ADGRV1: variants seen among roughly 807,000 people sequenced by gnomAD.
ADGRV1 encodes G-protein coupled receptor 98.
ADGRV1 carries 359 observed loss-of-function variants against 596.2 expected under a neutral mutation model. That is an observed-to-expected ratio of 0.60 (90% confidence interval 0.55 to 0.66). The LOEUF (loss-of-function observed/expected upper bound fraction) is 0.66. ADGRV1 is among the 30% of genes least tolerant of loss of function. The pLI, the probability that ADGRV1 is intolerant of heterozygous loss-of-function variation, is 0.00. For missense variants in ADGRV1, 7,274 were observed against 7,575.6 expected, an observed-to-expected ratio of 0.96 and a Z score of 1.48; for synonymous variants, 2,681 against 2,679.2, an observed-to-expected ratio of 1.00 and a Z score of -0.02.
chr5:90,927,855 T>C (rs1251883669), intron 83 of ADGRV1, among the ~76,000 whole-genome samples: 1 of 152,156 alleles, frequency 6.6e-6, no homozygotes, highest in Non-Finnish European at 1.5e-5. Context: ...AGCATTTGCT[T>C]TTCTGTAAAG....
intron 42 of ADGRV1, among the ~76,000 whole-genome samples, chr5:90,713,798 G>T (rs1049659132): frequency 7.2e-5 from 11 of 152,078 alleles, no homozygotes; most frequent in African/African-American, 2.7e-4. Context: ...AATTACATAG[G>T]TGACATGCCC....
intron 48 of ADGRV1, among the ~76,000 whole-genome samples, chr5:90,726,314 C>T (rs1751771597): frequency 6.6e-6 from 1 of 152,140 alleles, no homozygotes; most frequent in Non-Finnish European, 1.5e-5. Context: ...CCATCTCTGA[C>T]ATCTCTCTCT....
chr5:90,642,657 G>A lies in ADGRV1; in HGVS notation c.2262G>A (p.Val754=). 1 of 1,613,388 alleles carries A rather than the reference G, an allele frequency of 6.2e-7. No individual in the cohort carries two copies. The stretch of plus-strand genomic sequence containing the variant: ...CTAGGGTTAACGTGGAAAACCAAGT[G>A]CTGAAATCTGGATATACTAGCCGTG... ...SLDRVNVENQ[V]LKSGYTSRDL... Residue 754 remains valine, a synonymous_variant, in exon 12 of 90, where the codon GTG becomes GTA. Coordinates refer to ENST00000405460, the MANE Select transcript of ADGRV1 (RefSeq NM_032119.4).
chr5:90,812,897 C>A (rs1033787508), intron 74 of ADGRV1, among the ~76,000 whole-genome samples: 1 of 151,458 alleles, frequency 6.6e-6, no homozygotes, highest in Admixed American at 6.6e-5. Flanking sequence ...TTTGGGAGGC[C>A]GAGTCGGGCG....
chr5:90,754,449 G>A (rs1755609873), intron 54 of ADGRV1, among the ~76,000 whole-genome samples: 1 of 152,080 alleles, frequency 6.6e-6, no homozygotes, highest in Non-Finnish European at 1.5e-5. Context: ...TTATGTTCCT[G>A]GGTCTTTAAT....
chr5:90,586,523 G>A (rs753272285), intron 1 of ADGRV1, among the ~76,000 whole-genome samples: 2 of 152,172 alleles, frequency 1.3e-5, no homozygotes, highest in East Asian at 1.9e-4. Flanking sequence ...GAATGTCCAT[G>A]TTCTGAATTT....
chr5:90,976,348 A>ATATATATATATATG (rs1325293370), intron 84 of ADGRV1, among the ~76,000 whole-genome samples: 11 of 141,472 alleles, frequency 7.8e-5, no homozygotes, highest in African/African-American at 2.8e-4. Context: ...ATATATATAT[A>ATATATATATATATG]TGTATATGTA....
At chr5:91,030,863 T>A in intron 85 of ADGRV1, 1 of 439,296 alleles carries the variant, frequency 2.3e-6, no homozygotes, top group Non-Finnish European at 4.1e-6. Context: ...TAATTACATG[T>A]TTTTGAAAAG....
chr5:90,595,519 A>G lies in ADGRV1; in HGVS notation c.23-19316A>G, dbSNP rs1368022397. Among the ~76,000 whole-genome samples, 3 of 112,890 alleles carry G rather than the reference A, an allele frequency of 2.7e-5. No individual in the cohort carries two copies. The South Asian group carries it at 9.5e-4, about 36-fold the overall frequency. 74.1% of individuals were successfully genotyped at this position (112,890 alleles called of 152,430 possible). On this transcript the variant is annotated intron_variant, in intron 1 of 89. Transcript: ENST00000405460. ...CTTCCCAGTAGGGGCGGCCGGGCAGAGGCGCCCCTCACCTCCTGGACGGGG... is the reference window on the plus strand; with the variant it reads ...CTTCCCAGTAGGGGCGGCCGGGCAGGGGCGCCCCTCACCTCCTGGACGGGG...
intron 87 of ADGRV1, among the ~76,000 whole-genome samples, chr5:91,135,303 G>A (rs924449538): frequency 6.6e-6 from 1 of 152,068 alleles, no homozygotes; most frequent in African/African-American, 2.4e-5. Flanking sequence ...ATTCCCGGGG[G>A]CTTTAAACAT....
At chr5:91,094,143 C>A (rs1284148888) in intron 86 of ADGRV1, among the ~76,000 whole-genome samples, 5 of 152,036 alleles carry the variant, frequency 3.3e-5, no homozygotes, top group Admixed American at 6.5e-5. Flanking sequence ...TGAGCCACTG[C>A]ACCCAGCCAT....
At chr5:90,846,506 G>T in intron 78 of ADGRV1, 1 of 173,758 alleles carries the variant, frequency 5.8e-6, no homozygotes, top group Non-Finnish European at 1.2e-5. Flanking sequence ...ATGAAGCCGT[G>T]GACCCTCGCA....
chr5:91,097,026 A>C (rs1562214310), intron 86 of ADGRV1, among the ~76,000 whole-genome samples: 1 of 152,212 alleles, frequency 6.6e-6, no homozygotes, highest in Non-Finnish European at 1.5e-5. Flanking sequence ...TCCATGGTGT[A>C]GCATATATTA....
rs569515056 is a variant in ADGRV1, at chr5:90,706,748, A to G, written c.8730+354A>G. Among the ~76,000 whole-genome samples, 27 of 150,684 alleles carry G rather than the reference A, an allele frequency of 1.8e-4. No homozygotes were observed. In the East Asian group the frequency reaches 5.3e-3, roughly 29 times the overall value. On this transcript the variant is annotated intron_variant, in intron 38 of 89. Transcript: ENST00000405460. ...CTATTAGTAAAAAAAAAAAAAAATT[A>G]CTCTGACTTTAATATCAGGTTTGGA...
intron 85 of ADGRV1, among the ~76,000 whole-genome samples, chr5:91,020,375 A>G (rs1446088134): frequency 6.6e-6 from 1 of 152,090 alleles, no homozygotes. Flanking sequence ...AATTTGCCAG[A>G]TAGCTTCCAT....
At chr5:90,979,942 A>G (rs1779952770) in intron 84 of ADGRV1, among the ~76,000 whole-genome samples, 1 of 152,232 alleles carries the variant, frequency 6.6e-6, no homozygotes, top group Non-Finnish European at 1.5e-5. Flanking sequence ...ATAACTTATT[A>G]TTCACCTGGA....
At chr5:90,893,755 A>C (rs567000292) in intron 83 of ADGRV1, among the ~76,000 whole-genome samples, 1 of 152,330 alleles carries the variant, frequency 6.6e-6, no homozygotes, top group Non-Finnish European at 1.5e-5. Flanking sequence ...ATTTACTCAT[A>C]AGGATTACTT....
In ADGRV1 at chr5:90,939,271, T is replaced by C. The variant is rs538033820; in HGVS notation, c.17857-26144T>C. On this transcript the variant is annotated intron_variant, in intron 83 of 89. Coordinates refer to ENST00000405460, the MANE Select transcript of ADGRV1 (RefSeq NM_032119.4). ...TACAGATTAGAGTTTCTCTCATTAA[T>C]TAGGTAGCTGTGTGAGAAATCACTC... Among the ~76,000 whole-genome samples the C allele has an allele frequency of 1.1e-3, 166 of 152,338 alleles. 2 individuals carry two copies. Among genetic ancestry groups the C allele is most frequent in the African/African-American group, 3.8e-3 (159 of 41,584 alleles).
At chr5:90,997,229 G>A (rs905153668) in intron 85 of ADGRV1, among the ~76,000 whole-genome samples, 2 of 152,126 alleles carry the variant, frequency 1.3e-5, no homozygotes, top group South Asian at 2.1e-4. Context: ...TTCTGATCCC[G>A]AGTGTTGGAG....
Sources: allele counts gnomAD v4.1 joint callset (sites outside exome capture counted in the v4.1 genomes callset), GRCh38; gene constraint gnomAD v4.1.1; transcripts MANE v1.5; gene names NCBI Gene and HGNC (gene_info 2026-07-23, HGNC 2026-07-21).